LUZP2: variants seen among roughly 807,000 people sequenced by gnomAD.
LUZP2 encodes the protein leucine zipper protein 2.
A neutral mutation model predicts 51.6 loss-of-function variants in LUZP2; 52 were observed. The ratio of observed to expected loss-of-function variants is 1.01; its 90% CI spans 0.81 to 1.27. The LOEUF is 1.27. Ranked by LOEUF, LUZP2 falls within the 50% of genes most tolerant of loss-of-function variation. The pLI is 0.00. For synonymous variants in LUZP2, 154 were observed against 137.3 expected, an observed-to-expected ratio of 1.12 and a Z score of -0.85; for missense variants, 436 against 395.4, an observed-to-expected ratio of 1.10 and a Z score of -0.87.
intron 1 of LUZP2, among the ~76,000 whole-genome samples, chr11:24,515,675 T>C (rs1449365014): frequency 6.6e-6 from 1 of 152,030 alleles, no homozygotes; most frequent in Non-Finnish European, 1.5e-5. Flanking sequence ...GGAAAACAAA[T>C]TCCAGGAAGA....
chr11:25,036,781 T>G (rs1446205), intron 9 of LUZP2, among the ~76,000 whole-genome samples: 146,064 of 151,992 alleles, frequency 0.96, 70,422 homozygotes, highest in East Asian at 1. Flanking sequence ...AGATATTCTT[T>G]GTATTGATTT....
chr11:24,763,920 T>A (rs1032351898), intron 5 of LUZP2, among the ~76,000 whole-genome samples: 5 of 152,344 alleles, frequency 3.3e-5, no homozygotes, highest in African/African-American at 1.2e-4. Flanking sequence ...CATTGAGCCA[T>A]GACTAATTCA....
At chr11:24,835,728 T>A (rs559106363) in intron 5 of LUZP2, among the ~76,000 whole-genome samples, 1 of 152,248 alleles carries the variant, frequency 6.6e-6, no homozygotes, top group Non-Finnish European at 1.5e-5. Context: ...CAAAAGGGGC[T>A]GAGAAATGTT....
At chr11:24,960,253 T>C (rs1229602609) in intron 7 of LUZP2, among the ~76,000 whole-genome samples, 3 of 152,344 alleles carry the variant, frequency 2.0e-5, no homozygotes, top group Non-Finnish European at 2.9e-5. Flanking sequence ...ATCAGGATGA[T>C]GCTGGCCTCT....
intron 4 of LUZP2, among the ~76,000 whole-genome samples, chr11:24,757,097 T>G (rs1859803585): frequency 6.6e-6 from 1 of 152,228 alleles, no homozygotes; most frequent in Admixed American, 6.5e-5. Context: ...ATCTGCGTGC[T>G]TAGCTCAGGA....
intron 5 of LUZP2, among the ~76,000 whole-genome samples, chr11:24,844,119 A>G (rs1343743147): frequency 2.0e-5 from 3 of 152,184 alleles, no homozygotes; most frequent in African/African-American, 4.8e-5. Context: ...AGGGCTCAGA[A>G]GAAGGTGGAA....
chr11:24,863,774 T>C (rs535464136), intron 5 of LUZP2, among the ~76,000 whole-genome samples: 1 of 152,312 alleles, frequency 6.6e-6, no homozygotes, highest in South Asian at 2.1e-4. Context: ...AAAACATTCA[T>C]GTTCATTCTT....
At chr11:24,987,816 A>G (rs1856231104) in intron 9 of LUZP2, among the ~76,000 whole-genome samples, 1 of 151,856 alleles carries the variant, frequency 6.6e-6, no homozygotes, top group Admixed American at 6.6e-5. Context: ...TTTTTTAAGA[A>G]ACCTCAAAAC....
At chr11:24,568,223 G>T (rs1007259962) in intron 1 of LUZP2, among the ~76,000 whole-genome samples, 4 of 152,050 alleles carry the variant, frequency 2.6e-5, no homozygotes, top group Admixed American at 1.3e-4. Flanking sequence ...AGCTGAGTGT[G>T]ACGGTGCATG....
At position 24,617,922 on chromosome 11, in the gene LUZP2, T is replaced by C. The variant is rs561256391; in HGVS notation, c.63-111247T>C. On this transcript the variant is annotated intron_variant, in intron 1 of 11. Transcript: ENST00000336930. ...TTGGGGTATTATGTTATGAAACTCTTGTCTTATTTAAACCATCTGTTTTAA... is the reference window on the plus strand; with the variant it reads ...TTGGGGTATTATGTTATGAAACTCTCGTCTTATTTAAACCATCTGTTTTAA... Among the ~76,000 whole-genome samples, 294 of 152,286 alleles carry C rather than the reference T, an allele frequency of 1.9e-3. 1 individual carries two copies. The highest frequency in any genetic ancestry group is 3.3e-3 in the Non-Finnish European group (227 of 68,022).
intron 1 of LUZP2, among the ~76,000 whole-genome samples, chr11:24,698,518 C>G (rs1452568506): frequency 6.6e-6 from 1 of 152,112 alleles, no homozygotes; most frequent in African/African-American, 2.4e-5. Context: ...ATTTTGATCT[C>G]TCTTGTTTAA....
intron 1 of LUZP2, among the ~76,000 whole-genome samples, chr11:24,650,225 A>G (rs1206653349): frequency 3.3e-5 from 5 of 152,018 alleles, no homozygotes; most frequent in Admixed American, 2.0e-4. Flanking sequence ...CAGAGATGTG[A>G]GTCAAAAATA....
chr11:24,621,223 T>C (rs901302276), intron 1 of LUZP2, among the ~76,000 whole-genome samples: 3 of 152,244 alleles, frequency 2.0e-5, no homozygotes, highest in South Asian at 4.1e-4. Context: ...TGTTTGACTC[T>C]TAACATTTTA....
chr11:25,024,411 C>G (rs1019811289), intron 9 of LUZP2, among the ~76,000 whole-genome samples: 6 of 151,792 alleles, frequency 4.0e-5, no homozygotes, highest in Non-Finnish European at 8.8e-5. Context: ...TCGTCTCAGC[C>G]CAAAATCCCC....
chr11:24,768,221 C>A (rs1860270139), intron 5 of LUZP2, among the ~76,000 whole-genome samples: 1 of 152,104 alleles, frequency 6.6e-6, no homozygotes, highest in African/African-American at 2.4e-5. Context: ...GCAACCTCCA[C>A]CTCCTGGGTT....
At chr11:24,646,544 G>T (rs1380622817) in intron 1 of LUZP2, 2 of 973,558 alleles carry the variant, frequency 2.1e-6, no homozygotes, top group Non-Finnish European at 2.4e-6. Flanking sequence ...TCTCTTGATT[G>T]CAAGATGACT....
chr11:24,632,164 AT>A (rs1854919062), intron 1 of LUZP2, among the ~76,000 whole-genome samples: 1 of 152,036 alleles, frequency 6.6e-6, no homozygotes, highest in Admixed American at 6.6e-5. Context: ...AAAGATAGGC[AT>A]TTCACTACTG....
chr11:24,613,235 G>C (rs1854178012), intron 1 of LUZP2, among the ~76,000 whole-genome samples: 1 of 152,074 alleles, frequency 6.6e-6, no homozygotes, highest in South Asian at 2.1e-4. Flanking sequence ...CTGACATAGA[G>C]GTGATGCTTT....
At chr11:24,806,601 AT>A (rs1444383773) in intron 5 of LUZP2, among the ~76,000 whole-genome samples, 1 of 152,144 alleles carries the variant, frequency 6.6e-6, no homozygotes, top group Admixed American at 6.5e-5. Flanking sequence ...GAAAAAGGAG[AT>A]TGGGAAGGTA....
Sources: allele counts gnomAD v4.1 joint callset (sites outside exome capture counted in the v4.1 genomes callset), GRCh38; gene constraint gnomAD v4.1.1; transcripts MANE v1.5; gene names NCBI Gene and HGNC (gene_info 2026-07-23, HGNC 2026-07-21).